Variants in SPAG16 observed in about 807,000 individuals in gnomAD.
The protein encoded by SPAG16 is sperm-associated antigen 16 protein.
In SPAG16, 86 loss-of-function variants were observed where a neutral mutation model predicts 80.4. That is an observed-to-expected ratio of 1.07 (90% confidence interval 0.90 to 1.28). The LOEUF is 1.28. Ranked by LOEUF, SPAG16 falls within the 50% of genes most tolerant of loss-of-function variation. SPAG16 has a pLI of 0.00. For missense variants in SPAG16, 870 were observed against 765.3 expected (o/e 1.14, Z -1.61); for synonymous variants, 294 against 265.9 (o/e 1.11, Z -1.03).
chr2:213,946,860 G>T (rs572922212), intron 12 of SPAG16, among the ~76,000 whole-genome samples: 1 of 151,974 alleles, frequency 6.6e-6, no homozygotes, highest in Non-Finnish European at 1.5e-5. Flanking sequence ...ATACTCTCCC[G>T]CCTACTCTTA....
chr2:213,748,337 T>C (rs2067926331), intron 10 of SPAG16, among the ~76,000 whole-genome samples: 1 of 152,136 alleles, frequency 6.6e-6, no homozygotes. Flanking sequence ...GGAATGAACA[T>C]TTGTTCATAT....
chr2:213,312,034 T>C (rs1164048044), intron 4 of SPAG16, among the ~76,000 whole-genome samples: 1 of 151,676 alleles, frequency 6.6e-6, no homozygotes, highest in African/African-American at 2.4e-5. Flanking sequence ...AAATCTGGCC[T>C]GCTTCCTGAT....
chr2:213,921,175 G>A (rs2078206345), intron 11 of SPAG16, among the ~76,000 whole-genome samples: 1 of 152,124 alleles, frequency 6.6e-6, no homozygotes, highest in Non-Finnish European at 1.5e-5. Context: ...TGGTCCCTTG[G>A]TGGCAGTTGT....
At chr2:213,711,526 C>A (rs1574901938) in intron 10 of SPAG16, among the ~76,000 whole-genome samples, 1 of 140,034 alleles carries the variant, frequency 7.1e-6, no homozygotes, top group African/African-American at 2.6e-5. Context: ...ATTTTCTTTC[C>A]TTTTTTTTTT....
intron 12 of SPAG16, among the ~76,000 whole-genome samples, chr2:213,949,194 G>GTTTTTTTGTTTTTTTTTTTTTTT (rs2079621462): frequency 9.5e-5 from 1 of 10,508 alleles, no homozygotes; most frequent in African/African-American, 2.8e-4. Context: ...TTTTTTTTTT[G>GTTTTTTTGTTTTTTTTTTTTTTT]AGGTAGAGTC....
Position 214,367,646 on chromosome 2 carries a change from G to A in SPAG16, c.1721-42494G>A, listed in dbSNP as rs1177019149. 2.0e-5 allele frequency among the ~76,000 whole-genome samples: 3 copies of A among 152,088 alleles called. No individual in the cohort carries two copies. The East Asian group carries it at 5.8e-4, about 29-fold the overall frequency. The stretch of plus-strand genomic sequence containing the variant: ...ACATAGATAGACTACATAAAATAAT[G>A]CCTTTACTCCCAACATACTTTTTAA... On this transcript the variant is annotated intron_variant, in intron 15 of 15. Transcript: ENST00000331683.
intron 15 of SPAG16, among the ~76,000 whole-genome samples, chr2:214,365,699 T>C (rs1239422219): frequency 1.3e-5 from 2 of 152,172 alleles, no homozygotes; most frequent in East Asian, 1.9e-4. Context: ...TTGAAATACA[T>C]TAATTTTCCC....
chr2:213,588,598 C>T (rs1185355080), intron 10 of SPAG16, among the ~76,000 whole-genome samples: 1 of 149,704 alleles, frequency 6.7e-6, no homozygotes, highest in African/African-American at 2.5e-5. Context: ...GTCAGGAGAT[C>T]GAGACCATCC....
At chr2:213,828,963 A>G (rs1410886989) in intron 10 of SPAG16, among the ~76,000 whole-genome samples, 1 of 152,142 alleles carries the variant, frequency 6.6e-6, no homozygotes, top group East Asian at 1.9e-4. Context: ...CACCACTGAG[A>G]CTGCACTGGC....
intron 15 of SPAG16, among the ~76,000 whole-genome samples, chr2:214,256,448 A>G (rs908124662): frequency 6.6e-6 from 1 of 151,964 alleles, no homozygotes; most frequent in Non-Finnish European, 1.5e-5. Context: ...GACCTGTCCT[A>G]GAAACCTCTG....
intron 15 of SPAG16, among the ~76,000 whole-genome samples, chr2:214,259,413 G>A (rs1437648478): frequency 6.9e-6 from 1 of 144,756 alleles, no homozygotes; most frequent in Non-Finnish European, 1.5e-5. Context: ...AATTATATAT[G>A]TATATATGTG....
At chr2:213,624,004 G>C (rs1347165456) in intron 10 of SPAG16, among the ~76,000 whole-genome samples, 2 of 151,886 alleles carry the variant, frequency 1.3e-5, no homozygotes, top group African/African-American at 4.8e-5. Flanking sequence ...ATTACATGGG[G>C]CTTAATTAGT....
intron 10 of SPAG16, among the ~76,000 whole-genome samples, chr2:213,843,286 T>G (rs1575324388): frequency 6.6e-6 from 1 of 152,210 alleles, no homozygotes. Flanking sequence ...ATTTAATGTT[T>G]CATATAGTTT....
At chr2:213,596,777 A>G (rs1421998417) in intron 10 of SPAG16, among the ~76,000 whole-genome samples, 2 of 152,180 alleles carry the variant, frequency 1.3e-5, no homozygotes, top group Non-Finnish European at 2.9e-5. Context: ...GTAGCTGGCT[A>G]TCCAAGTTAA....
At chr2:213,879,245 T>C (rs576387450) in intron 11 of SPAG16, among the ~76,000 whole-genome samples, 2 of 152,150 alleles carry the variant, frequency 1.3e-5, no homozygotes, top group African/African-American at 2.4e-5. Flanking sequence ...TTGGATAGTA[T>C]AGTCATTGAT....
At chr2:214,386,047 T>G (rs577593606) in intron 15 of SPAG16, among the ~76,000 whole-genome samples, 1 of 152,206 alleles carries the variant, frequency 6.6e-6, no homozygotes, top group East Asian at 1.9e-4. Flanking sequence ...ATTATCTGCC[T>G]TTTATAATAA....
At chr2:213,969,493 G>A (rs1421562282) in intron 12 of SPAG16, among the ~76,000 whole-genome samples, 1 of 152,170 alleles carries the variant, frequency 6.6e-6, no homozygotes, top group East Asian at 1.9e-4. Flanking sequence ...TCCTCTCGCA[G>A]TGGGATTTAG....
intron 12 of SPAG16, among the ~76,000 whole-genome samples, chr2:213,997,070 C>T (rs1490096582): frequency 6.6e-6 from 1 of 152,056 alleles, no homozygotes; most frequent in African/African-American, 2.4e-5. Flanking sequence ...ATTATGTTTG[C>T]CATTTTTAGT....
At chr2:213,344,056 G>T (rs571362836) in intron 6 of SPAG16, among the ~76,000 whole-genome samples, 19 of 152,210 alleles carry the variant, frequency 1.2e-4, no homozygotes, top group Admixed American at 4.6e-4. Context: ...GCAGACTTTA[G>T]CCAGGACTGT....
Sources: allele counts gnomAD v4.1 joint callset (sites outside exome capture counted in the v4.1 genomes callset), GRCh38; gene constraint gnomAD v4.1.1; transcripts MANE v1.5; gene names NCBI Gene and HGNC (gene_info 2026-07-23, HGNC 2026-07-21).